Variants in ANKRD11 observed in about 807,000 individuals in gnomAD.
ANKRD11 encodes ankyrin repeat domain-containing protein 11.
In ANKRD11, 17 loss-of-function variants were observed where a neutral mutation model predicts 195.7. The ratio of observed to expected loss-of-function variants is 0.09; its 90% CI spans 0.06 to 0.13. ANKRD11 has a LOEUF of 0.13. Ranked by LOEUF, ANKRD11 falls within the 10% of genes least tolerant of loss-of-function variation. ANKRD11 has a pLI of 1.00. For synonymous variants in ANKRD11, 1,953 were observed against 1,528.1 expected (o/e 1.28, Z -6.49); for missense variants, 3,735 against 3,566.1 (o/e 1.05, Z -1.21).
intron 2 of ANKRD11, chr16:89,324,124 C>A: frequency 1.3e-6 from 1 of 768,512 alleles, no homozygotes; most frequent in Non-Finnish European, 1.7e-6. Flanking sequence ...TGCCCCACGG[C>A]ACAACGCTCT....
chr16:89,280,305 C>A lies in ANKRD11; in HGVS notation c.6237G>T (p.Val2079=), dbSNP rs2034082922. 1.3e-6 allele frequency: 2 copies of A among 1,596,004 alleles called. No individual in the cohort carries two copies. The highest frequency in any genetic ancestry group is 2.2e-5 in the South Asian group (2 of 90,236). The change falls in exon 9 of 13, where the codon GTG becomes GTT. Residue 2079 remains valine (V), a synonymous_variant. Coordinates refer to ENST00000301030, the MANE Select transcript of ANKRD11 (RefSeq NM_013275.6). The part of the protein sequence containing the change: ...CKSLPEAPLD[V]APEPACVAAV... ...CGGCTACACAGGCGGGCTCGGGGGC[C>A]ACGTCCAGCGGGGCTTCCGGAAGTG...
intron 2 of ANKRD11, among the ~76,000 whole-genome samples, chr16:89,331,348 C>G (rs927525579): frequency 5.3e-5 from 8 of 152,174 alleles, no homozygotes; most frequent in Admixed American, 3.3e-4. Context: ...CAGTTCACAT[C>G]ATATATCTCA....
chr16:89,316,700 C>A (rs948963314), intron 3 of ANKRD11, among the ~76,000 whole-genome samples: 1 of 152,208 alleles, frequency 6.6e-6, no homozygotes, highest in Non-Finnish European at 1.5e-5. Flanking sequence ...AACTTCTGTA[C>A]ATAAAGCTAT....
intron 2 of ANKRD11, among the ~76,000 whole-genome samples, chr16:89,356,640 G>A (rs1413968237): frequency 6.6e-6 from 1 of 151,208 alleles, no homozygotes; most frequent in Non-Finnish European, 1.5e-5. Context: ...AATTAGCCAG[G>A]CGTGGTGGTG....
chr16:89,299,624 C>T (rs563995628), intron 4 of ANKRD11: 21 of 133,080 alleles, frequency 1.6e-4, no homozygotes, highest in South Asian at 3.2e-4. Context: ...GTGTGGGATG[C>T]ATGGGGTCTG....
intron 2 of ANKRD11, among the ~76,000 whole-genome samples, chr16:89,387,612 G>C (rs1458175070): frequency 3.3e-5 from 5 of 149,854 alleles, no homozygotes; most frequent in African/African-American, 1.2e-4. Flanking sequence ...GGCAGAGCTT[G>C]CAGTGAGCCG....
chr16:89,323,394 G>C (rs1012420310), intron 2 of ANKRD11: 1 of 1,256,974 alleles, frequency 8.0e-7, no homozygotes, highest in Non-Finnish European at 1.0e-6. Flanking sequence ...CAAGGGGAGA[G>C]CAAGCAGCCC....
At chr16:89,477,781 G>C (rs2057307009) in intron 1 of ANKRD11, among the ~76,000 whole-genome samples, 1 of 151,776 alleles carries the variant, frequency 6.6e-6, no homozygotes. Flanking sequence ...AGACCAGCCT[G>C]GCCAACATGG....
At position 89,332,154 on chromosome 16, in the gene ANKRD11, G is replaced by A. The variant is rs142105245; in HGVS notation, c.-59-15076C>T. Among the ~76,000 whole-genome samples, 914 of 151,928 alleles carry A rather than the reference G, an allele frequency of 6.0e-3. 9 individuals carry two copies. The highest frequency in any genetic ancestry group is 1.0e-2 in the Non-Finnish European group (677 of 67,934). On this transcript the variant is annotated intron_variant, in intron 2 of 12. Coordinates refer to ENST00000301030, the MANE Select transcript of ANKRD11 (RefSeq NM_013275.6). ...AAAAAAAAAGATAATAATCTTAAAA[G>A]ACACAATTCCAGAAGCTGCAGAATG...
intron 2 of ANKRD11, among the ~76,000 whole-genome samples, chr16:89,415,913 C>A (rs574529223): frequency 1.3e-5 from 2 of 150,528 alleles, no homozygotes; most frequent in Non-Finnish European, 2.9e-5. Context: ...TGGGTCACGG[C>A]GCCTCTGGTC....
Position 89,291,677 on chromosome 16 carries a change from G to A in ANKRD11, c.227-494C>T. 7.8e-7 allele frequency: 1 copy of A among 1,290,228 alleles called. No homozygotes were observed. The highest frequency in any genetic ancestry group is 1.0e-6 in the Non-Finnish European group (1 of 989,118). 79.9% of individuals were successfully genotyped at this position (1,290,228 alleles called of 1,614,324 possible). ...AAATCAAGGCCAACTGGTCAGTACT[G>A]TACCTTTCTTCTTGCTTCTAGGAAC... On this transcript the variant is annotated intron_variant, in intron 4 of 12. Coordinates refer to ENST00000301030, the MANE Select transcript of ANKRD11 (RefSeq NM_013275.6). This position sits in a 1 kb window ranked among gnomAD's most constrained non-coding sequence, Gnocchi z 5.3.
intron 2 of ANKRD11, among the ~76,000 whole-genome samples, chr16:89,342,294 C>A (rs116499522): frequency 0.01 from 1,541 of 152,374 alleles, 22 homozygotes; most frequent in African/African-American, 0.035. Context: ...AGCGGCAGCC[C>A]AGGCTCAGAC....
At chr16:89,447,409 C>T (rs1159150515) in intron 1 of ANKRD11, among the ~76,000 whole-genome samples, 1 of 152,156 alleles carries the variant, frequency 6.6e-6, no homozygotes, top group Non-Finnish European at 1.5e-5. Flanking sequence ...TCACATAGCA[C>T]GATCTAGAGT....
chr16:89,441,572 C>T (rs867473652), intron 1 of ANKRD11, among the ~76,000 whole-genome samples: 17 of 152,016 alleles, frequency 1.1e-4, no homozygotes, highest in South Asian at 8.3e-4. Context: ...TGGAGACCAT[C>T]CTGGCTAACA....
At chr16:89,406,592 G>A (rs2041917083) in intron 2 of ANKRD11, among the ~76,000 whole-genome samples, 1 of 152,220 alleles carries the variant, frequency 6.6e-6, no homozygotes, top group Non-Finnish European at 1.5e-5. Flanking sequence ...CTTATGGTCT[G>A]GGTGGGGACA....
In ANKRD11 at chr16:89,375,419, C is replaced by T. The variant is rs566006531; in HGVS notation, c.-60+42865G>A. 5.9e-5 allele frequency among the ~76,000 whole-genome samples: 9 copies of T among 152,058 alleles called. No homozygotes were observed. The South Asian group carries it at 1.9e-3, about 32-fold the overall frequency. On this transcript the variant is annotated intron_variant, in intron 2 of 12. Transcript: ENST00000301030. ...CAGGGCACTATGGTCATGCCTGTGA[C>T]AAGCCGCTGCGCTCCCGCCCAGGCA...
intron 1 of ANKRD11, among the ~76,000 whole-genome samples, chr16:89,484,314 G>C (rs982788503): frequency 2.6e-5 from 4 of 152,074 alleles, no homozygotes; most frequent in African/African-American, 9.7e-5. Flanking sequence ...AGAAAAATAA[G>C]GTCCTTCACT....
intron 2 of ANKRD11, among the ~76,000 whole-genome samples, chr16:89,391,316 G>C (rs1285445124): frequency 9.9e-5 from 15 of 152,208 alleles, no homozygotes; most frequent in African/African-American, 3.6e-4. Flanking sequence ...CACAGCCACA[G>C]GAACCCAGGG....
At chr16:89,347,487 G>A (rs564245383) in intron 2 of ANKRD11, among the ~76,000 whole-genome samples, 5 of 151,734 alleles carry the variant, frequency 3.3e-5, no homozygotes, top group South Asian at 2.1e-4. Flanking sequence ...GGCAGGCGCC[G>A]GTAGTCCCAG....
Sources: gnomAD v4.1 joint callset for allele counts (sites outside exome capture counted in the v4.1 genomes callset) on GRCh38, gnomAD v4.1.1 for gene constraint, Gnocchi (gnomAD v3.1) non-coding constraint, MANE v1.5 for transcripts, NCBI Gene and HGNC (gene_info 2026-07-23, HGNC 2026-07-21) for gene names.